Variants in CUX1 observed in about 807,000 individuals in gnomAD.
CUX1 encodes the protein protein CASP.
CUX1 carries 31 observed loss-of-function variants against 158.8 expected under a neutral mutation model. The observed-to-expected ratio is 0.20, with a 90% CI of 0.15 to 0.26. The LOEUF (loss-of-function observed/expected upper bound fraction) is 0.26, where lower values mean the gene tolerates loss of function less well. Ranked by LOEUF, CUX1 falls within the 10% of genes least tolerant of loss-of-function variation. The pLI is 1.00. For synonymous variants in CUX1, 879 were observed against 862.1 expected, an observed-to-expected ratio of 1.02 and a Z score of -0.34; for missense variants, 1,589 against 2,014.6, an observed-to-expected ratio of 0.79 and a Z score of 4.04.
chr7:102,061,205 G>T (rs931142774), intron 3 of CUX1, among the ~76,000 whole-genome samples: 10 of 152,258 alleles, frequency 6.6e-5, no homozygotes, highest in African/African-American at 2.4e-4. Flanking sequence ...ATTTACAGGC[G>T]TGAGTCACTG....
chr7:102,038,227 A>G (rs950981997), intron 3 of CUX1, among the ~76,000 whole-genome samples: 3 of 152,180 alleles, frequency 2.0e-5, no homozygotes, highest in Non-Finnish European at 2.9e-5. Context: ...GACATCCAGA[A>G]TGTGAAGCAT....
intron 3 of CUX1, among the ~76,000 whole-genome samples, chr7:102,045,507 G>A (rs1822653793): frequency 6.6e-6 from 1 of 152,244 alleles, no homozygotes; most frequent in Non-Finnish European, 1.5e-5. Flanking sequence ...AAGACCCGGA[G>A]CTGCTTTCTG....
chr7:101,846,731 G>T (rs1795735740), intron 1 of CUX1, among the ~76,000 whole-genome samples: 1 of 152,130 alleles, frequency 6.6e-6, no homozygotes, highest in South Asian at 2.1e-4. Flanking sequence ...AGGTGCTAGT[G>T]GCAGCCCCAC....
chr7:102,100,859 C>A (rs557621247), intron 5 of CUX1, among the ~76,000 whole-genome samples: 1 of 152,048 alleles, frequency 6.6e-6, no homozygotes, highest in Admixed American at 6.6e-5. Context: ...TAAAGAAATA[C>A]CTTAGTCTGG....
chr7:101,979,773 C>T (rs977895842), intron 2 of CUX1, among the ~76,000 whole-genome samples: 2 of 152,162 alleles, frequency 1.3e-5, no homozygotes, highest in African/African-American at 4.8e-5. Flanking sequence ...CCTCAGCCTC[C>T]CGAGTAGCTG....
chr7:102,189,261 C>T (rs1335962676), intron 11 of CUX1, among the ~76,000 whole-genome samples: 1 of 151,838 alleles, frequency 6.6e-6, no homozygotes, highest in Non-Finnish European at 1.5e-5. Context: ...GAAAGCCTCT[C>T]CTCCTGTCCT....
rs542721733 is a variant in CUX1 at position 102,274,427 on chromosome 7, C to G, written c.1450+117C>G. Reference sequence around the variant, plus strand: ...CCCTTCCTCTAAGAAGGTCAGGCCCCCACGCCTGCAATGCAGCAGCAACCT... The same window carrying G: ...CCCTTCCTCTAAGAAGGTCAGGCCCGCACGCCTGCAATGCAGCAGCAACCT... On this transcript the variant is annotated intron_variant, in intron 16 of 22. Transcript: ENST00000292538. The G allele has an allele frequency of 1.3e-5, 11 of 828,748 alleles. No individual in the cohort carries two copies. The Admixed American group carries it at 2.5e-4, about 19-fold the overall frequency. 51.3% of individuals were successfully genotyped at this position (828,748 alleles called of 1,614,324 possible). A position where few individuals can be genotyped will look rare whatever the true frequency, so the allele number is the denominator to read the frequency against.
At chr7:101,887,810 A>G (rs965692677) in intron 1 of CUX1, among the ~76,000 whole-genome samples, 3 of 151,166 alleles carry the variant, frequency 2.0e-5, no homozygotes, top group African/African-American at 7.3e-5. Context: ...TGAAAAACCA[A>G]ATCCTGCCAC....
intron 1 of CUX1, among the ~76,000 whole-genome samples, chr7:101,847,093 G>C (rs984853804): frequency 2.6e-5 from 4 of 152,160 alleles, no homozygotes; most frequent in Non-Finnish European, 4.4e-5. Flanking sequence ...GCAGCAAGCT[G>C]TCATTCTACC....
Position 101,840,902 on chromosome 7 carries a change from A to T in CUX1, c.30+23233A>T, listed in dbSNP as rs192772328. On this transcript the variant is annotated intron_variant, in intron 1 of 23. Coordinates refer to ENST00000292535, the MANE Select transcript of CUX1 (RefSeq NM_181552.4). ...TTTATTTTATTTTATTATTATTATTATTTTTTTTTGAGACGGAGTCTTGCT... is the reference window on the plus strand; with the variant it reads ...TTTATTTTATTTTATTATTATTATTTTTTTTTTTTGAGACGGAGTCTTGCT... 5.4e-3 allele frequency among the ~76,000 whole-genome samples: 811 copies of T among 149,952 alleles called. 2 individuals carry two copies. Among genetic ancestry groups the T allele is most frequent in the East Asian group, 0.019 (97 of 5,126 alleles).
chr7:101,821,677 T>TTTC (rs1792593226), intron 1 of CUX1, among the ~76,000 whole-genome samples: 1 of 98,500 alleles, frequency 1.0e-5, no homozygotes, highest in Non-Finnish European at 2.1e-5. Context: ...TTTTCTTTTT[T>TTTC]TTTTTTTTTT....
At chr7:102,026,968 C>T (rs572265174) in intron 2 of CUX1, among the ~76,000 whole-genome samples, 2 of 152,070 alleles carry the variant, frequency 1.3e-5, no homozygotes, top group East Asian at 3.9e-4. Flanking sequence ...AGATCATAAG[C>T]ATGCACCTAT....
upstream of CUX1, among the ~76,000 whole-genome samples, chr7:101,816,640 CG>C (rs1005417936): frequency 6.9e-6 from 1 of 144,104 alleles, no homozygotes. Context: ...GGAGTTGCTG[CG>C]GGGGGTGAAG....
At chr7:102,030,989 A>G (rs986057955) in intron 3 of CUX1, among the ~76,000 whole-genome samples, 3 of 152,074 alleles carry the variant, frequency 2.0e-5, no homozygotes, top group Non-Finnish European at 2.9e-5. Flanking sequence ...GACATGAGCC[A>G]CTGTACCCGG....
intron 4 of CUX1, among the ~76,000 whole-genome samples, chr7:102,095,234 TC>T (rs1829054939): frequency 6.6e-6 from 1 of 152,144 alleles, no homozygotes; most frequent in Admixed American, 6.5e-5. Context: ...GGTCTCGAAC[TC>T]CTGAGCTCAA....
Position 101,996,408 on chromosome 7 carries a change from G to A in CUX1, c.142-31690G>A, listed in dbSNP as rs952926735. ...CCTTTGGAAGTGGACAGCAGCCCACGCCTGCAGGTGGTCCGGCCCTGCTGT... is the reference window on the plus strand; with the variant it reads ...CCTTTGGAAGTGGACAGCAGCCCACACCTGCAGGTGGTCCGGCCCTGCTGT... On this transcript the variant is annotated intron_variant, in intron 2 of 23. Coordinates refer to ENST00000292535, the MANE Select transcript of CUX1 (RefSeq NM_181552.4). Among the ~76,000 whole-genome samples the A allele has an allele frequency of 7.9e-5, 12 of 152,082 alleles. No homozygotes were observed. In the South Asian group the frequency reaches 1.2e-3, roughly 16 times the overall value.
intron 20 of CUX1, among the ~76,000 whole-genome samples, chr7:102,223,873 G>A (rs1798080028): frequency 6.6e-6 from 1 of 152,140 alleles, no homozygotes; most frequent in African/African-American, 2.4e-5. Context: ...GGAGGCAGAG[G>A]CAGGAGAATC....
intron 1 of CUX1, among the ~76,000 whole-genome samples, chr7:101,841,703 G>A (rs1468365981): frequency 5.9e-5 from 9 of 151,906 alleles, no homozygotes; most frequent in Non-Finnish European, 1.2e-4. Flanking sequence ...GAGTATAGGC[G>A]TCCCTGCCAC....
chr7:102,144,243 T>G (rs1338332374), intron 8 of CUX1, among the ~76,000 whole-genome samples: 3 of 152,232 alleles, frequency 2.0e-5, no homozygotes, highest in Non-Finnish European at 4.4e-5. Flanking sequence ...CGCTTTACAA[T>G]TAATGAGTGA....
Sources: allele counts gnomAD v4.1 joint callset (sites outside exome capture counted in the v4.1 genomes callset), GRCh38; gene constraint gnomAD v4.1.1; transcripts MANE v1.5; gene names NCBI Gene and HGNC (gene_info 2026-07-23, HGNC 2026-07-21).